Variants in NFKB1 observed in about 807,000 individuals in gnomAD.
NFKB1 encodes nuclear factor NF-kappa-B p105 subunit.
A neutral mutation model predicts 105.1 loss-of-function variants in NFKB1; 9 were observed. That is an observed-to-expected ratio of 0.09 (90% CI 0.05 to 0.15). The LOEUF is 0.15. Among genes scored for constraint, NFKB1 ranks in the 10% least tolerant of loss-of-function variants. The pLI is 1.00. For synonymous variants in NFKB1, 440 were observed against 442.2 expected, an observed-to-expected ratio of 1.00 and a Z score of 0.06; for missense variants, 830 against 1,203.7, an observed-to-expected ratio of 0.69 and a Z score of 4.59.
intron 11 of NFKB1, among the ~76,000 whole-genome samples, chr4:102,593,072 T>A (rs763206056): frequency 6.6e-6 from 1 of 152,220 alleles, no homozygotes; most frequent in Non-Finnish European, 1.5e-5. Flanking sequence ...ACATGAGTTA[T>A]TTTGTGTGAC....
intron 11 of NFKB1, among the ~76,000 whole-genome samples, chr4:102,589,699 T>C (rs1217907808): frequency 6.6e-6 from 1 of 151,914 alleles, no homozygotes; most frequent in African/African-American, 2.4e-5. Flanking sequence ...AAACTGACAT[T>C]GAAGAATCAG....
At chr4:102,571,976 A>G (rs1724405728) in intron 6 of NFKB1, among the ~76,000 whole-genome samples, 2 of 152,206 alleles carry the variant, frequency 1.3e-5, no homozygotes, top group Admixed American at 1.3e-4. Context: ...CAGCCATCCC[A>G]TTACTGGGTA....
At chr4:102,511,017 G>T (rs544286414) in intron 1 of NFKB1, 2 of 1,100,566 alleles carry the variant, frequency 1.8e-6, no homozygotes, top group Non-Finnish European at 2.4e-6. Context: ...ATGAGGAGGG[G>T]TGGAGTAGGG....
chr4:102,589,393 A>T (rs939578162), intron 11 of NFKB1, among the ~76,000 whole-genome samples: 4 of 152,192 alleles, frequency 2.6e-5, no homozygotes, highest in Non-Finnish European at 5.9e-5. Context: ...AACATATTTG[A>T]TAAGTAAGTC....
At chr4:102,557,680 GTCTGGTGCCAAGACTCA>G (rs1560670744) in intron 5 of NFKB1, among the ~76,000 whole-genome samples, 1 of 152,204 alleles carries the variant, frequency 6.6e-6, no homozygotes, top group East Asian at 1.9e-4. Flanking sequence ...AAATATCTGA[GTCTGGTGCCAAGACTCA>G]TCAGTACAAG....
At chr4:102,509,542 A>G (rs1464639412) in intron 1 of NFKB1, among the ~76,000 whole-genome samples, 1 of 152,242 alleles carries the variant, frequency 6.6e-6, no homozygotes, top group African/African-American at 2.4e-5. Flanking sequence ...GGCAAGCTAC[A>G]GAAATGATTT....
At chr4:102,529,724 T>C (rs1167211565) in intron 2 of NFKB1, 112 bp from the exon 3 acceptor site, 3 of 757,660 alleles carry the variant, frequency 4.0e-6, no homozygotes, top group Non-Finnish European at 6.6e-6. Flanking sequence ...CAGATTTTTG[T>C]TTTTGGCTTT....
chr4:102,536,591 A>G (rs1022311003), intron 4 of NFKB1, among the ~76,000 whole-genome samples: 2 of 152,172 alleles, frequency 1.3e-5, no homozygotes, highest in Admixed American at 6.6e-5. Context: ...AATGAAATGT[A>G]GTATAGTCTA....
At chr4:102,508,101 T>C (rs1290054607) in intron 1 of NFKB1, among the ~76,000 whole-genome samples, 1 of 152,242 alleles carries the variant, frequency 6.6e-6, no homozygotes, top group African/African-American at 2.4e-5. Flanking sequence ...GTTTTATTGA[T>C]ATTTGAAGAA....
chr4:102,522,335 G>A (rs1740626518), intron 1 of NFKB1, among the ~76,000 whole-genome samples: 1 of 152,152 alleles, frequency 6.6e-6, no homozygotes. Context: ...TCTTTACAGT[G>A]AACTGTATTG....
rs1027598322 is a variant in NFKB1, at chr4:102,613,454, G to A, written c.2622G>A (p.Val874=). 1.2e-6 allele frequency: 2 copies of A among 1,613,810 alleles called. No homozygotes were observed. The highest frequency in any genetic ancestry group is 1.3e-5 in the African/African-American group (1 of 74,896). The change falls in exon 23 of 24, where the codon GTG becomes GTA. Residue 874 remains valine (V), a synonymous_variant. Coordinates refer to ENST00000226574, the MANE Select transcript of NFKB1 (RefSeq NM_003998.4). Reference sequence around the variant, plus strand: ...CTGGGGGTACAGTCAGAGAGCTGGTGGAGGCCCTGAGACAAATGGGCTACA... The same window carrying A: ...CTGGGGGTACAGTCAGAGAGCTGGTAGAGGCCCTGAGACAAATGGGCTACA... The part of the protein sequence containing the change: ...EVSGGTVREL[V]EALRQMGYTE...
intron 9 of NFKB1, among the ~76,000 whole-genome samples, chr4:102,582,126 G>C (rs1470133421): frequency 6.6e-6 from 1 of 152,172 alleles, no homozygotes; most frequent in Non-Finnish European, 1.5e-5. Context: ...TCCATGACTA[G>C]AGTGTGCAAT....
chr4:102,601,937 T>C (rs968892415), intron 16 of NFKB1, among the ~76,000 whole-genome samples: 2 of 152,164 alleles, frequency 1.3e-5, no homozygotes, highest in African/African-American at 4.8e-5. Flanking sequence ...TTCTTACCTT[T>C]CCATTTGTCT....
chr4:102,524,113 A>G (rs146574190), intron 1 of NFKB1, among the ~76,000 whole-genome samples: 122 of 152,226 alleles, frequency 8.0e-4, no homozygotes, highest in Non-Finnish European at 1.5e-3. Flanking sequence ...TTCATGTCAC[A>G]TATCTAAAAT....
chr4:102,567,246 T>G, intron 6 of NFKB1, 111 bp downstream of exon 6: 1 of 1,149,778 alleles, frequency 8.7e-7, no homozygotes, highest in Non-Finnish European at 1.2e-6. Flanking sequence ...GACCCTCAGA[T>G]GACCTCAAAA....
chr4:102,608,577 TTGCATA>T (rs1728048914), intron 19 of NFKB1, among the ~76,000 whole-genome samples: 1 of 152,142 alleles, frequency 6.6e-6, no homozygotes, highest in African/African-American at 2.4e-5. Context: ...CTCCAGTGCC[TTGCATA>T]TTTAGAACCT....
intron 1 of NFKB1, among the ~76,000 whole-genome samples, chr4:102,518,193 CAGG>C (rs1740328512): frequency 3.3e-5 from 5 of 152,114 alleles, no homozygotes; most frequent in Admixed American, 6.5e-5. Context: ...CTCATTGCAG[CAGG>C]AATGATGAAA....
chr4:102,520,682 T>A (rs566634062), intron 1 of NFKB1, among the ~76,000 whole-genome samples: 32 of 147,748 alleles, frequency 2.2e-4, no homozygotes, highest in African/African-American at 5.7e-4. Context: ...AATCAGCTTT[T>A]AAAAAAAAAA....
rs375361337 is a variant in NFKB1, at chr4:102,607,769, C to A, written c.2227+18C>A. ...AGCAGCAGGTAAGATGGTGATCTGGCGGTCATTAATGAAAAATGTTACCAG... is the reference window on the plus strand; with the variant it reads ...AGCAGCAGGTAAGATGGTGATCTGGAGGTCATTAATGAAAAATGTTACCAG... On this transcript the variant is annotated intron_variant, in intron 19 of 23. Transcript: ENST00000226574. 113 of 1,607,522 alleles carry A rather than the reference C, an allele frequency of 7.0e-5. No homozygotes were observed. Among genetic ancestry groups the A allele is most frequent in the Non-Finnish European group, 9.0e-5 (106 of 1,174,172 alleles).
Sources: allele counts gnomAD v4.1 joint callset (sites outside exome capture counted in the v4.1 genomes callset), GRCh38; gene constraint gnomAD v4.1.1; transcripts MANE v1.5; gene names NCBI Gene and HGNC (gene_info 2026-07-23, HGNC 2026-07-21).